Variants in SLX4IP observed in about 807,000 individuals in gnomAD.
The protein encoded by SLX4IP is protein SLX4IP.
SLX4IP carries 34 observed loss-of-function variants against 32.9 expected under a neutral mutation model. The ratio of observed to expected loss-of-function variants is 1.03; its 90% CI spans 0.79 to 1.38. The LOEUF (loss-of-function observed/expected upper bound fraction) is 1.38, where lower values mean the gene tolerates loss of function less well. SLX4IP is among the 40% of genes most tolerant of loss of function. SLX4IP has a pLI of 0.00. For missense variants in SLX4IP, 444 were observed against 479.0 expected (o/e 0.93, Z 0.68); for synonymous variants, 172 against 171.7 (o/e 1.00, Z -0.01).
intron 2 of SLX4IP, among the ~76,000 whole-genome samples, chr20:10,512,932 C>T (rs1363276714): frequency 6.6e-6 from 1 of 150,898 alleles, no homozygotes; most frequent in Admixed American, 6.6e-5. Context: ...TCACCACACC[C>T]AGCCACTTTA....
At chr20:10,458,765 A>G (rs2065310428) in intron 2 of SLX4IP, among the ~76,000 whole-genome samples, 1 of 152,014 alleles carries the variant, frequency 6.6e-6, no homozygotes, top group Non-Finnish European at 1.5e-5. Flanking sequence ...TTTTTCACTG[A>G]TGGGCATTTA....
rs111234427 is a variant in SLX4IP at position 10,571,161 on chromosome 20, A to G, written c.238+10341A>G. ...ATCACCCTTTTTTATTGGGCAGCAT[A>G]AAAGTGACCTTGTGGAGTTGGGGGT... On this transcript the variant is annotated intron_variant, in intron 4 of 7. Transcript: ENST00000334534. Among the ~76,000 whole-genome samples, 1,130 of 152,224 alleles carry G rather than the reference A, an allele frequency of 7.4e-3. 9 individuals are homozygous for G. Among genetic ancestry groups the G allele is most frequent in the Non-Finnish European group, 0.012 (840 of 68,004 alleles).
At chr20:10,614,535 C>T (rs1206346805) in intron 6 of SLX4IP, among the ~76,000 whole-genome samples, 2 of 152,134 alleles carry the variant, frequency 1.3e-5, no homozygotes, top group Admixed American at 6.5e-5. Context: ...TGACATGGCC[C>T]CAAAGATCTG....
chr20:10,596,662 T>C (rs906194827), intron 4 of SLX4IP, among the ~76,000 whole-genome samples: 3 of 152,204 alleles, frequency 2.0e-5, no homozygotes, highest in Non-Finnish European at 2.9e-5. Context: ...ACTTTTTTTT[T>C]CTCAGTTCTT....
chr20:10,479,216 T>A (rs2065499966), intron 2 of SLX4IP, among the ~76,000 whole-genome samples: 2 of 152,268 alleles, frequency 1.3e-5, no homozygotes, highest in African/African-American at 4.8e-5. Flanking sequence ...GTAAGTCATC[T>A]GCGGATGCAA....
At chr20:10,579,501 C>T (rs1455416702) in intron 4 of SLX4IP, among the ~76,000 whole-genome samples, 2 of 150,010 alleles carry the variant, frequency 1.3e-5, no homozygotes, top group Admixed American at 6.6e-5. Context: ...GATCTCGGCT[C>T]GCTGCAACCT....
At chr20:10,452,680 A>AATATATATATAT (rs1280513421) in intron 1 of SLX4IP, among the ~76,000 whole-genome samples, 3 of 109,504 alleles carry the variant, frequency 2.7e-5, no homozygotes, top group South Asian at 6.4e-4. Context: ...AAAAAAAAAA[A>AATATATATATAT]ATATATATAT....
At chr20:10,480,590 C>CT (rs2065513226) in intron 2 of SLX4IP, among the ~76,000 whole-genome samples, 1 of 152,068 alleles carries the variant, frequency 6.6e-6, no homozygotes, top group Admixed American at 6.6e-5. Flanking sequence ...CGTGATTTTA[C>CT]TTTAACAATA....
At chr20:10,503,285 T>C (rs76452021) in intron 2 of SLX4IP, among the ~76,000 whole-genome samples, 4,108 of 152,326 alleles carry the variant, frequency 0.027, 98 homozygotes, top group Non-Finnish European at 0.037. Context: ...AACTAGCCAC[T>C]GAGTCTCCCT....
chr20:10,519,567 TTGAA>T (rs2065886191), intron 2 of SLX4IP, among the ~76,000 whole-genome samples: 2 of 152,256 alleles, frequency 1.3e-5, no homozygotes, highest in African/African-American at 4.8e-5. Context: ...CTTTCTATGA[TTGAA>T]TAATATTCCA....
At chr20:10,440,503 T>C (rs551160095) in intron 1 of SLX4IP, among the ~76,000 whole-genome samples, 61 of 152,202 alleles carry the variant, frequency 4.0e-4, no homozygotes, top group African/African-American at 1.5e-3. Flanking sequence ...TTATTTTTAA[T>C]TTATGTAAAA....
intron 1 of SLX4IP, among the ~76,000 whole-genome samples, chr20:10,445,316 T>TC (rs2065192845): frequency 6.9e-6 from 1 of 144,016 alleles, no homozygotes; most frequent in Admixed American, 6.9e-5. Context: ...TCTTTCTTTT[T>TC]TTTTTTTTTT....
intron 2 of SLX4IP, among the ~76,000 whole-genome samples, chr20:10,465,624 G>A (rs1337529168): frequency 6.6e-6 from 1 of 152,190 alleles, no homozygotes; most frequent in Non-Finnish European, 1.5e-5. Context: ...TCTTGTCTCA[G>A]CCTCCCAAGT....
chr20:10,570,214 G>A (rs1185905251), intron 4 of SLX4IP, among the ~76,000 whole-genome samples: 4 of 152,170 alleles, frequency 2.6e-5, no homozygotes, highest in African/African-American at 9.7e-5. Flanking sequence ...GTTACCAACT[G>A]CCCCACCTTT....
intron 5 of SLX4IP, among the ~76,000 whole-genome samples, chr20:10,599,432 T>G (rs1380332994): frequency 6.6e-6 from 1 of 152,190 alleles, no homozygotes; most frequent in Non-Finnish European, 1.5e-5. Flanking sequence ...TCTTTTTTGC[T>G]GTTATTTGTT....
At chr20:10,520,485 G>A (rs2065893604) in intron 2 of SLX4IP, among the ~76,000 whole-genome samples, 1 of 152,168 alleles carries the variant, frequency 6.6e-6, no homozygotes, top group South Asian at 2.1e-4. Context: ...TTTCTTGCTG[G>A]TGTGCTTTGA....
At chr20:10,604,913 C>G (rs1019443441) in intron 6 of SLX4IP, among the ~76,000 whole-genome samples, 7 of 152,144 alleles carry the variant, frequency 4.6e-5, no homozygotes, top group African/African-American at 1.7e-4. Flanking sequence ...ACTGGGGAGT[C>G]TTTTGAGAGT....
intron 6 of SLX4IP, among the ~76,000 whole-genome samples, chr20:10,606,498 G>A (rs1479738515): frequency 6.6e-6 from 1 of 152,186 alleles, no homozygotes; most frequent in Admixed American, 6.5e-5. Flanking sequence ...AACAACGCTA[G>A]TGGTGAATTG....
intron 2 of SLX4IP, among the ~76,000 whole-genome samples, chr20:10,516,473 T>G (rs1021888456): frequency 4.6e-5 from 7 of 152,190 alleles, no homozygotes; most frequent in African/African-American, 1.7e-4. Flanking sequence ...AACTGAATCT[T>G]AGGCTGTTAC....
Sources: gnomAD v4.1 joint callset for allele counts (sites outside exome capture counted in the v4.1 genomes callset) on GRCh38, gnomAD v4.1.1 for gene constraint, MANE v1.5 for transcripts, NCBI Gene and HGNC (gene_info 2026-07-23, HGNC 2026-07-21) for gene names.